NUMA1: variants seen among roughly 807,000 people sequenced by gnomAD.
The protein encoded by NUMA1 is SP-H antigen.
NUMA1 carries 62 observed loss-of-function variants against 237.1 expected under a neutral mutation model. The observed-to-expected ratio is 0.26, with a 90% CI of 0.21 to 0.32. The LOEUF is 0.32. Ranked by LOEUF, NUMA1 falls within the 10% of genes least tolerant of loss-of-function variation. The pLI is 1.00. For missense variants in NUMA1, 2,533 were observed against 2,666.5 expected (o/e 0.95, Z 1.10); for synonymous variants, 1,028 against 1,066.1 (o/e 0.96, Z 0.70).
chr11:72,006,804 G>A (rs1955748817), intron 21 of NUMA1, among the ~76,000 whole-genome samples: 1 of 152,212 alleles, frequency 6.6e-6, no homozygotes, highest in African/African-American at 2.4e-5. Context: ...CCTTCAAGAT[G>A]TGGAAACAAA....
intron 12 of NUMA1, 91 bp downstream of exon 12, chr11:72,018,092 C>T: frequency 9.5e-7 from 1 of 1,048,644 alleles, no homozygotes; most frequent in Non-Finnish European, 1.5e-6. Flanking sequence ...AAGACAGGTG[C>T]TGGGACATTC....
At chr11:72,011,866 T>C (rs185844393) in intron 16 of NUMA1, among the ~76,000 whole-genome samples, 14 of 152,204 alleles carry the variant, frequency 9.2e-5, no homozygotes, top group Admixed American at 6.5e-4. Context: ...GACATCTCTA[T>C]GCTGTGCTCG....
chr11:72,014,189 G>A lies in NUMA1; in HGVS notation c.3314C>T (p.Ser1105Leu), dbSNP rs1956342656. The A allele has an allele frequency of 2.5e-6, 4 of 1,613,814 alleles. No individual in the cohort carries two copies. The highest frequency in any genetic ancestry group is 2.7e-5 in the African/African-American group (2 of 74,940). The part of the protein sequence containing the change: ...AKKEKEHASG[S>L]GAQSEAAGRT... ...GCCAGCAGCCTCAGATTGGGCTCCT[G>A]AGCCAGATGCGTGCTCCTTTTCTTT... The change falls in exon 15 of 27, where the codon TCA becomes TTA. Residue 1105 changes from serine (S) to leucine (L), a missense_variant. This residue lies in a region of NUMA1 where 1,414 missense variants were observed against 1,508.1 expected (regional missense o/e 0.94). Coordinates refer to ENST00000393695, the MANE Select transcript of NUMA1 (RefSeq NM_006185.4). This position sits in a 1 kb window ranked among gnomAD's most constrained non-coding sequence, Gnocchi z 4.6.
At chr11:72,029,345 C>G in intron 3 of NUMA1, 55 bp from the exon 4 acceptor site, 1 of 1,167,866 alleles carries the variant, frequency 8.6e-7, no homozygotes, top group South Asian at 1.3e-5. Context: ...ATGGTTTGCT[C>G]CTTTTCCCAG....
At chr11:72,073,696 T>G (rs1041002427) in intron 1 of NUMA1, among the ~76,000 whole-genome samples, 2 of 152,114 alleles carry the variant, frequency 1.3e-5, no homozygotes, top group African/African-American at 4.8e-5. Context: ...AAGACTGATT[T>G]TGGTTTGCCA....
intron 13 of NUMA1, 182 bp downstream of exon 13, chr11:72,017,505 A>AT (rs1938015776): frequency 4.2e-6 from 3 of 710,568 alleles, no homozygotes; most frequent in South Asian, 3.3e-5. Flanking sequence ...GGGAAAAAAA[A>AT]AATAAGTTAA....
rs779173794 is a variant in NUMA1 at position 72,014,630 on chromosome 11, C to T, written c.2873G>A (p.Arg958His). ...QPEWLEEQQGRQFCSTQAALQ... is the reference protein window; with the variant it reads ...QPEWLEEQQGHQFCSTQAALQ... Reference sequence around the variant, plus strand: ...CGCTGCCTGTGTGCTGCAGAACTGGCGTCCCTGTTGCTCTTCCAGCCACTC... The same window carrying T: ...CGCTGCCTGTGTGCTGCAGAACTGGTGTCCCTGTTGCTCTTCCAGCCACTC... The change falls in exon 15 of 27, where the codon CGC becomes CAC. Residue 958 changes from arginine to histidine, a missense_variant. By Grantham distance (29) the Arg-to-His change is conservative. This residue lies in a region of NUMA1 where 1,414 missense variants were observed against 1,508.1 expected (regional missense o/e 0.94). Transcript: ENST00000393695. The surrounding 1 kb of genome is among the most constrained non-coding windows in gnomAD (Gnocchi z 4.6). 1.7e-5 allele frequency: 28 copies of T among 1,610,074 alleles called. No homozygotes were observed. The highest frequency in any genetic ancestry group is 2.7e-5 in the African/African-American group (2 of 74,948).
At chr11:72,034,757 G>C (rs1453793694) in intron 3 of NUMA1, among the ~76,000 whole-genome samples, 1 of 151,946 alleles carries the variant, frequency 6.6e-6, no homozygotes, top group Non-Finnish European at 1.5e-5. Context: ...CCCTGGGTCA[G>C]AGAGACCAGT....
rs2135030830 is a variant in NUMA1, at chr11:72,015,436, C to T, written c.2067G>A (p.Glu689=). ...CCTTCTCCTGGGCCACCCTTTCTTTCTCAGTTGCTTTTTGCTGCTCAGACC... is the reference window on the plus strand; with the variant it reads ...CCTTCTCCTGGGCCACCCTTTCTTTTTCAGTTGCTTTTTGCTGCTCAGACC... ...QLRSEQQKAT[E]KERVAQEKDQ... is the part of the protein sequence containing the mutation. The change falls in exon 15 of 27, where the codon GAG becomes GAA. Residue 689 remains glutamate, a synonymous_variant. Transcript: ENST00000393695. This position sits in a 1 kb window ranked among gnomAD's most constrained non-coding sequence, Gnocchi z 4.0. 1.2e-6 allele frequency: 2 copies of T among 1,612,016 alleles called. No homozygotes were observed. The highest frequency in any genetic ancestry group is 1.7e-6 in the Non-Finnish European group (2 of 1,180,034).
intron 2 of NUMA1, among the ~76,000 whole-genome samples, chr11:72,043,215 G>C (rs1190501050): frequency 6.6e-6 from 1 of 151,944 alleles, no homozygotes; most frequent in Non-Finnish European, 1.5e-5. Flanking sequence ...ATAAATAGTA[G>C]CTGGTGGGGC....
chr11:72,022,957 TA>T (rs1393530237), intron 6 of NUMA1, 107 bp downstream of exon 6: 4 of 758,912 alleles, frequency 5.3e-6, no homozygotes, highest in Non-Finnish European at 9.1e-6. Flanking sequence ...GCCCCAGAAA[TA>T]AAGCACCCAT....
rs35313309 is a variant in NUMA1, at chr11:72,075,034, AAAAT to A, written c.-102-5127_-102-5124del. Among the ~76,000 whole-genome samples, 66 of 148,430 alleles carry A rather than the reference AAAAT, an allele frequency of 4.4e-4. 1 individual carries two copies. The highest frequency in any genetic ancestry group is 1.3e-3 in the South Asian group (6 of 4,742). On this transcript the variant is annotated intron_variant, in intron 1 of 26. Coordinates refer to ENST00000393695, the MANE Select transcript of NUMA1 (RefSeq NM_006185.4). ...GGGCGACAGAGTGAGACTCCATCTC[AAAAT>A]AAATAAATAAATAAATAAATAAATA...
intron 22 of NUMA1, 119 bp downstream of exon 22, chr11:72,005,916 G>A: frequency 1.2e-6 from 1 of 825,716 alleles, no homozygotes; most frequent in Non-Finnish European, 1.9e-6. Context: ...GGCAGGTGGA[G>A]CTGGATGGTA....
chr11:72,042,017 A>G (rs1220196364), intron 2 of NUMA1: 2 of 152,412 alleles, frequency 1.3e-5, no homozygotes, highest in African/African-American at 2.4e-5. Flanking sequence ...TCCGCTGAGC[A>G]TTTATGGGGA....
chr11:72,074,444 T>C (rs1221821142), intron 1 of NUMA1, among the ~76,000 whole-genome samples: 2 of 152,124 alleles, frequency 1.3e-5, no homozygotes, highest in African/African-American at 4.8e-5. Context: ...CCTATTGCTA[T>C]TACTAAATGT....
chr11:72,025,226 C>T (rs1164138346), intron 4 of NUMA1, among the ~76,000 whole-genome samples: 1 of 152,144 alleles, frequency 6.6e-6, no homozygotes, highest in Admixed American at 6.5e-5. Flanking sequence ...CTTGTCTGTA[C>T]TTGCTTAACT....
Position 72,051,468 on chromosome 11 carries a change from A to G in NUMA1, c.-32-15493T>C, listed in dbSNP as rs1942355778. 3.5e-5 allele frequency among the ~76,000 whole-genome samples: 4 copies of G among 115,358 alleles called. No individual in the cohort carries two copies. The South Asian group carries it at 1.2e-3, about 35-fold the overall frequency. 75.7% of individuals were successfully genotyped at this position (115,358 alleles called of 152,430 possible). A position where few individuals can be genotyped will look rare whatever the true frequency, so the allele number is the denominator to read the frequency against. ...TCCTACATACTGTGCTAGGAATTCAAAGATTTTTTTTTTTTTTTTTGAGAC... is the reference window on the plus strand; with the variant it reads ...TCCTACATACTGTGCTAGGAATTCAGAGATTTTTTTTTTTTTTTTTGAGAC... On this transcript the variant is annotated intron_variant, in intron 2 of 26. Coordinates refer to ENST00000393695, the MANE Select transcript of NUMA1 (RefSeq NM_006185.4).
In NUMA1 at chr11:72,010,018, G is replaced by T. The variant is rs974909688; in HGVS notation, c.4720-631C>A. ...CTGTCCATCTGCAAGGCCAACAAGT[G>T]CTTTGCTGTAGATAGAAGCATCCCC... On this transcript the variant is annotated intron_variant, in intron 17 of 26. Transcript: ENST00000393695. Among the ~76,000 whole-genome samples, 3 of 152,346 alleles carry T rather than the reference G, an allele frequency of 2.0e-5. No individual in the cohort carries two copies. The East Asian group carries it at 5.8e-4, about 29-fold the overall frequency.
Position 72,013,982 on chromosome 11 carries a change from T to C in NUMA1, c.3521A>G (p.Lys1174Arg). ...CTGACTGTGCCCTAGCTCCTGGGCC[T>C]TCTCCTCTAACTGGCCCTGCAGAGT... is the stretch of plus-strand genomic sequence containing the variant. ...LETLQGQLEEKAQELGHSQSA... is the reference protein window; with the variant it reads ...LETLQGQLEERAQELGHSQSA... Residue 1174 changes from lysine (K) to arginine (R), a missense_variant, in exon 15 of 27, where the codon AAG (lysine) becomes AGG (arginine). Transcript: ENST00000393695. The surrounding 1 kb of genome is among the most constrained non-coding windows in gnomAD (Gnocchi z 6.8). The C allele has an allele frequency of 6.2e-7, 1 of 1,612,790 alleles. No homozygotes were observed. Among genetic ancestry groups the C allele is most frequent in the Non-Finnish European group, 8.5e-7 (1 of 1,179,882 alleles).
Sources: gnomAD v4.1 joint callset for allele counts (sites outside exome capture counted in the v4.1 genomes callset) on GRCh38, gnomAD v4.1.1 for gene constraint, gnomAD v4.1.1 regional missense constraint, Gnocchi (gnomAD v3.1) non-coding constraint, MANE v1.5 for transcripts, NCBI Gene and HGNC (gene_info 2026-07-23, HGNC 2026-07-21) for gene names.